Variants in COBL observed in about 807,000 individuals in gnomAD.
COBL encodes the protein cordon-bleu WH2 repeat protein.
COBL carries 51 observed loss-of-function variants against 98.8 expected under a neutral mutation model. The observed-to-expected ratio is 0.52, with a 90% CI of 0.41 to 0.65. The LOEUF (loss-of-function observed/expected upper bound fraction) is 0.65, where lower values mean the gene tolerates loss of function less well. Ranked by LOEUF, COBL falls within the 30% of genes least tolerant of loss-of-function variation. The probability of loss-of-function intolerance (pLI) is 0.00; values close to 1 mark genes in which losing one functional copy is unlikely to be tolerated. For missense variants in COBL, 1,617 were observed against 1,617.5 expected, an observed-to-expected ratio of 1.00 and a Z score of 0.01; for synonymous variants, 634 against 651.7, an observed-to-expected ratio of 0.97 and a Z score of 0.41.
At chr7:51,170,680 G>A (rs1246782282) in intron 5 of COBL, among the ~76,000 whole-genome samples, 2 of 151,794 alleles carry the variant, frequency 1.3e-5, no homozygotes, top group African/African-American at 2.4e-5. Context: ...AAATTATCCA[G>A]ACATAGAAAG....
chr7:51,207,525 CCCTGCCTGATTCT>C (rs1309253123), intron 2 of COBL, among the ~76,000 whole-genome samples: 5 of 152,358 alleles, frequency 3.3e-5, no homozygotes, highest in Admixed American at 2.6e-4. Flanking sequence ...ACTGCAACCT[CCCTGCCTGATTCT>C]CCTGCCTCAG....
rs146242826 is a variant in COBL, at chr7:51,219,828, C to A, written c.158G>T (p.Arg53Leu). ...GCTGGCCCTCAGCGCCTCCTTCATG[C>A]GAACCAAGTTCTGCTGCGACCCGAG... is the stretch of plus-strand genomic sequence containing the variant. Reference protein sequence around the residue: ...GALGSQQNLVRMKEALRASTM... With the variant: ...GALGSQQNLVLMKEALRASTM... Residue 53 changes from arginine (R) to leucine (L), a missense_variant, in exon 2 of 13, where the codon CGC becomes CTC. Physicochemically the swap from Arg to Leu is moderately radical, Grantham distance 102 (BLOSUM62 -2). Transcript: ENST00000265136. 4 of 1,614,108 alleles carry A rather than the reference C, an allele frequency of 2.5e-6. No homozygotes were observed. Among genetic ancestry groups the A allele is most frequent in the Non-Finnish European group, 1.7e-6 (2 of 1,180,040 alleles).
intron 1 of COBL, among the ~76,000 whole-genome samples, chr7:51,233,025 C>T (rs1794914295): frequency 6.6e-6 from 1 of 152,092 alleles, no homozygotes; most frequent in Non-Finnish European, 1.5e-5. Context: ...ATGGTCATGA[C>T]AAATAGTCCA....
chr7:51,099,673 A>G (rs138615305), intron 6 of COBL, among the ~76,000 whole-genome samples: 324 of 152,306 alleles, frequency 2.1e-3, no homozygotes, highest in Non-Finnish European at 3.7e-3. Context: ...AGAGGTGCCT[A>G]TATTAAACAT....
intron 6 of COBL, among the ~76,000 whole-genome samples, chr7:51,096,117 CAAAAG>C: frequency 6.6e-6 from 1 of 152,004 alleles, no homozygotes. Flanking sequence ...TTTAAAGCCA[CAAAAG>C]AAGTCTTAAC....
At position 51,028,926 on chromosome 7, in the gene COBL, C is replaced by T; in HGVS notation, c.2170G>A (p.Val724Met). The T allele has an allele frequency of 6.2e-7, 1 of 1,614,218 alleles. No homozygotes were observed. The highest frequency in any genetic ancestry group is 8.5e-7 in the Non-Finnish European group (1 of 1,180,046). The change falls in exon 10 of 13, where the codon GTG becomes ATG. Residue 724 changes from valine (V) to methionine (M), a missense_variant. Coordinates refer to ENST00000265136, the MANE Select transcript of COBL (RefSeq NM_015198.5). ...TTAATGGCTCCGGTGGAGAGGGACA[C>T]ATCTCTGTCGTAACATCGCATCTCT... ...KSEMRCYDRDVSLSTGAIKID... is the reference protein window; with the variant it reads ...KSEMRCYDRDMSLSTGAIKID...
intron 6 of COBL, among the ~76,000 whole-genome samples, chr7:51,105,183 C>T (rs910111329): frequency 6.6e-6 from 1 of 151,908 alleles, no homozygotes; most frequent in African/African-American, 2.4e-5. Flanking sequence ...ACAAGACGCC[C>T]GATCTTCCAA....
intron 1 of COBL, among the ~76,000 whole-genome samples, chr7:51,295,153 G>A (rs1048202660): frequency 6.6e-6 from 1 of 152,018 alleles, no homozygotes; most frequent in African/African-American, 2.4e-5. Flanking sequence ...AGGCATGATG[G>A]CAGATGCCTG....
At position 51,022,419 on chromosome 7, in the gene COBL, G is replaced by A. The variant is rs578040357; in HGVS notation, c.3768+2690C>T. Among the ~76,000 whole-genome samples, 386 of 152,316 alleles carry A rather than the reference G, an allele frequency of 2.5e-3. 2 individuals are homozygous for A. Among genetic ancestry groups the A allele is most frequent in the African/African-American group, 8.9e-3 (372 of 41,570 alleles). On this transcript the variant is annotated intron_variant, in intron 12 of 12. Coordinates refer to ENST00000265136, the MANE Select transcript of COBL (RefSeq NM_015198.5). The stretch of plus-strand genomic sequence containing the variant: ...GCCCTGGCTAGCACTTTACAGCCAC[G>A]GTGACCTTTCCTCCAAGCATGCCTG...
At chr7:51,037,118 T>C (rs1207627856) in intron 8 of COBL, among the ~76,000 whole-genome samples, 2 of 152,160 alleles carry the variant, frequency 1.3e-5, no homozygotes, top group East Asian at 1.9e-4. Context: ...TGCACACATA[T>C]ATATGTGTCT....
intron 6 of COBL, among the ~76,000 whole-genome samples, chr7:51,108,958 C>CACACACACACACACACACACACACACACA (rs1562923478): frequency 4.8e-5 from 4 of 83,984 alleles, no homozygotes; most frequent in Non-Finnish European, 9.7e-5. Context: ...ACACACACAC[C>CACACACACACACACACACACACACACACA]CCCTGCCCCA....
chr7:51,136,316 G>A lies in COBL; in HGVS notation c.799C>T (p.Pro267Ser). Residue 267 changes from proline (P) to serine (S), a missense_variant, in exon 6 of 13, where the codon CCC becomes TCC. Around this residue, in one of 3 missense-constraint regions of COBL, gnomAD observed 1,304 missense variants for 1,282.0 expected, o/e 1.02. Coordinates refer to ENST00000265136, the MANE Select transcript of COBL (RefSeq NM_015198.5). ...CGTGAGTGCATGGATGGGGAGTTGG[G>A]GGTCGTTAAACAGCCCTGTTGGGGA... Reference protein sequence around the residue: ...RSNSKGCLTTPNSPSMHSRSL... With the variant: ...RSNSKGCLTTSNSPSMHSRSL... 1 of 1,613,180 alleles carries A rather than the reference G, an allele frequency of 6.2e-7. No individual in the cohort carries two copies. The highest frequency in any genetic ancestry group is 1.1e-5 in the South Asian group (1 of 90,906).
chr7:51,194,215 C>A (rs118045069), intron 2 of COBL, among the ~76,000 whole-genome samples: 1 of 152,166 alleles, frequency 6.6e-6, no homozygotes, highest in East Asian at 1.9e-4. Context: ...GTATTTGGTT[C>A]TCTGTTGTTG....
At chr7:51,219,639 T>C in intron 2 of COBL, 102 bp downstream of exon 2, 1 of 1,285,474 alleles carries the variant, frequency 7.8e-7, no homozygotes, top group South Asian at 1.4e-5. Context: ...AGGTCAGACC[T>C]GATGAGGAGG....
chr7:51,026,028 A>C (rs1038874028), intron 11 of COBL, among the ~76,000 whole-genome samples: 1 of 152,244 alleles, frequency 6.6e-6, no homozygotes, highest in South Asian at 2.1e-4. Context: ...ACTGGGGGCA[A>C]GACATGCAGT....
chr7:51,069,634 ATG>A (rs1792308294), intron 7 of COBL, among the ~76,000 whole-genome samples: 1 of 152,174 alleles, frequency 6.6e-6, no homozygotes, highest in African/African-American at 2.4e-5. Context: ...GGCAGAGAGG[ATG>A]TGTGTGTGGG....
chr7:51,149,116 C>T (rs188522627), intron 5 of COBL, among the ~76,000 whole-genome samples: 6 of 152,334 alleles, frequency 3.9e-5, no homozygotes, highest in Non-Finnish European at 7.3e-5. Flanking sequence ...CACAGCTACA[C>T]TGCTCTGCTG....
At chr7:51,060,669 T>TA (rs1026539814) in intron 7 of COBL, among the ~76,000 whole-genome samples, 7 of 152,198 alleles carry the variant, frequency 4.6e-5, no homozygotes, top group Non-Finnish European at 8.8e-5. Context: ...TCATTATCCC[T>TA]AGTGACCCAC....
chr7:51,164,065 A>G (rs905476039), intron 5 of COBL, among the ~76,000 whole-genome samples: 1 of 152,180 alleles, frequency 6.6e-6, no homozygotes, highest in Non-Finnish European at 1.5e-5. Context: ...TAGTTCATTT[A>G]CATTTCTCAT....
Sources: allele counts gnomAD v4.1 joint callset (sites outside exome capture counted in the v4.1 genomes callset), GRCh38; gene constraint gnomAD v4.1.1; regional missense constraint gnomAD v4.1.1; transcripts MANE v1.5; gene names NCBI Gene and HGNC (gene_info 2026-07-23, HGNC 2026-07-21).